The following ZBED6 variants were observed in gnomAD, a reference collection of about 807,000 sequenced individuals.
ZBED6 encodes zinc finger BED domain-containing protein 6.
In ZBED6, 40 loss-of-function variants were observed where a neutral mutation model predicts 58.4. The observed-to-expected ratio is 0.68, with a 90% CI of 0.53 to 0.89. ZBED6 has a LOEUF of 0.89. ZBED6 is among the 40% of genes least tolerant of loss of function. ZBED6 has a pLI of 0.00. For missense variants in ZBED6, 1,057 were observed against 1,003.9 expected, an observed-to-expected ratio of 1.05 and a Z score of -0.71; for synonymous variants, 439 against 350.6, an observed-to-expected ratio of 1.25 and a Z score of -2.82.
intron 11 of ZBED6, among the ~76,000 whole-genome samples, chr1:203,845,441 AC>A (rs1687620507): frequency 6.6e-6 from 1 of 152,236 alleles, no homozygotes; most frequent in Non-Finnish European, 1.5e-5. Context: ...TATTACAGGT[AC>A]CTAAATACAG....
At chr1:203,848,517 C>A in intron 13 of ZBED6, 110 bp downstream of exon 13, 1 of 744,468 alleles carries the variant, frequency 1.3e-6, no homozygotes, top group Non-Finnish European at 2.2e-6. Flanking sequence ...ATTAGGTAAA[C>A]AGTCTTTCTT....
chr1:203,830,768 C>T (rs970950878), intron 7 of ZBED6, among the ~76,000 whole-genome samples: 1 of 151,802 alleles, frequency 6.6e-6, no homozygotes, highest in Non-Finnish European at 1.5e-5. Context: ...GAGATCGCAC[C>T]ATTGTATTCC....
At chr1:203,844,348 C>T (rs562967738) in intron 11 of ZBED6, among the ~76,000 whole-genome samples, 7 of 151,874 alleles carry the variant, frequency 4.6e-5, no homozygotes, top group Middle Eastern at 3.4e-3. Flanking sequence ...TTAGTAGAGA[C>T]GGGGTTTCAC....
intron 9 of ZBED6, chr1:203,835,474 A>G (rs913995972): frequency 1.3e-5 from 2 of 155,634 alleles, no homozygotes; most frequent in Non-Finnish European, 2.9e-5. Flanking sequence ...TTCTAGCTGT[A>G]AATCAAGAAA....
intron 9 of ZBED6, among the ~76,000 whole-genome samples, chr1:203,835,312 A>G (rs903782536): frequency 2.0e-5 from 3 of 152,224 alleles, no homozygotes; most frequent in African/African-American, 7.2e-5. Flanking sequence ...TTGGCACTTG[A>G]TATCAGTAAA....
chr1:203,850,248 C>A (rs1688943466), intron 14 of ZBED6: 1 of 651,608 alleles, frequency 1.5e-6, no homozygotes, highest in East Asian at 2.8e-5. Context: ...GTAAAACTTT[C>A]TATGGTGCAT....
chr1:203,804,972 C>T (rs1439031800), intron 1 of ZBED6, among the ~76,000 whole-genome samples: 1 of 151,870 alleles, frequency 6.6e-6, no homozygotes, highest in Non-Finnish European at 1.5e-5. Flanking sequence ...TGTGCCCGGC[C>T]TGTCTCGTCT....
At chr1:203,810,709 G>A (rs1008256953) in intron 1 of ZBED6, among the ~76,000 whole-genome samples, 1 of 152,072 alleles carries the variant, frequency 6.6e-6, no homozygotes, top group Non-Finnish European at 1.5e-5. Flanking sequence ...GTGAGCCACC[G>A]CGCCCGGCCA....
intron 1 of ZBED6, among the ~76,000 whole-genome samples, chr1:203,803,466 C>T (rs1242767673): frequency 6.6e-6 from 1 of 152,222 alleles, no homozygotes; most frequent in Admixed American, 6.5e-5. Context: ...GCTGGGATTA[C>T]AGGCATGAGC....
At chr1:203,823,017 A>G (rs1411170131) in intron 3 of ZBED6, among the ~76,000 whole-genome samples, 1 of 152,214 alleles carries the variant, frequency 6.6e-6, no homozygotes, top group East Asian at 1.9e-4. Context: ...TGCAAATAGC[A>G]GCAGATATCA....
chr1:203,819,231 T>A (rs1384254242), intron 3 of ZBED6, among the ~76,000 whole-genome samples: 16 of 150,784 alleles, frequency 1.1e-4, no homozygotes, highest in South Asian at 2.1e-4. Context: ...TTTTTATTTT[T>A]TTTTTTTTGA....
intron 3 of ZBED6, among the ~76,000 whole-genome samples, chr1:203,819,512 G>C (rs1448309145): frequency 6.9e-6 from 1 of 144,848 alleles, no homozygotes; most frequent in Non-Finnish European, 1.5e-5. Context: ...GTGAGCCACC[G>C]TGCCCAGCTG....
chr1:203,818,313 ACTT>A (rs1399126649), intron 2 of ZBED6, among the ~76,000 whole-genome samples: 1 of 152,174 alleles, frequency 6.6e-6, no homozygotes, highest in African/African-American at 2.4e-5. Flanking sequence ...TAACACTCCT[ACTT>A]GTCTTTTTCA....
chr1:203,814,452 A>G (rs1204453745), intron 1 of ZBED6, among the ~76,000 whole-genome samples: 1 of 152,118 alleles, frequency 6.6e-6, no homozygotes, highest in Non-Finnish European at 1.5e-5. Flanking sequence ...TGAACCTGGG[A>G]GGCAGAGGTT....
At chr1:203,853,384 C>G (rs1689648310) in exon 17 of ZBED6, 1 of 152,454 alleles carries the variant, frequency 6.6e-6, no homozygotes, top group South Asian at 2.1e-4. Context: ...TGTACTGTGC[C>G]AGGGATATTG....
rs749378987 is a variant in ZBED6, at chr1:203,797,877, A to G, written c.355A>G (p.Ile119Val). Residue 119 changes from isoleucine to valine, a missense_variant, in exon 1 of 17, where the codon ATA (isoleucine) becomes GTA (valine). By Grantham distance (29) the Ile-to-Val change is conservative. Transcript: ENST00000550078. Reference sequence around the variant, plus strand: ...TGAAGAAAGTCTTTTTGAGAGCAATATAGAAAAACAGATCTATCTACCTAG... The same window carrying G: ...TGAAGAAAGTCTTTTTGAGAGCAATGTAGAAAAACAGATCTATCTACCTAG... 7.8e-6 allele frequency: 12 copies of G among 1,536,116 alleles called. 1 individual carries two copies. The South Asian group carries it at 1.2e-4, about 15-fold the overall frequency.
chr1:203,824,796 T>A (rs1405027890), intron 3 of ZBED6, among the ~76,000 whole-genome samples: 1 of 152,018 alleles, frequency 6.6e-6, no homozygotes, highest in African/African-American at 2.4e-5. Context: ...AATAGATTGT[T>A]AGGCCGGACA....
chr1:203,829,206 C>A (rs1000850489), intron 4 of ZBED6: 6 of 550,658 alleles, frequency 1.1e-5, no homozygotes, highest in African/African-American at 9.4e-5. Flanking sequence ...TATGCTTCTT[C>A]TAGTCTTCTG....
chr1:203,840,954 C>T (rs1685934040), intron 11 of ZBED6, among the ~76,000 whole-genome samples: 1 of 151,996 alleles, frequency 6.6e-6, no homozygotes, highest in African/African-American at 2.4e-5. Context: ...AAATTAGAAA[C>T]AACTTAAATA....
Sources: gnomAD v4.1 joint callset for allele counts (sites outside exome capture counted in the v4.1 genomes callset) on GRCh38, gnomAD v4.1.1 for gene constraint, MANE v1.5 for transcripts, NCBI Gene and HGNC (gene_info 2026-07-23, HGNC 2026-07-21) for gene names.